Variants in GPR39 observed in about 807,000 individuals in gnomAD.
GPR39 encodes the protein G protein-coupled receptor 39.
Under a neutral mutation model 18.4 loss-of-function variants are expected in GPR39, and 23 were observed. The ratio of observed to expected loss-of-function variants is 1.25; its 90% CI spans 0.90 to 1.77. The LOEUF (loss-of-function observed/expected upper bound fraction) is 1.77, where lower values mean the gene tolerates loss of function less well. Among genes scored for constraint, GPR39 ranks in the 40% most tolerant of loss-of-function variants. The pLI is 0.00. For missense variants in GPR39, 647 were observed against 602.4 expected (o/e 1.07, Z -0.78); for synonymous variants, 280 against 257.9 (o/e 1.09, Z -0.82).
At chr2:132,612,307 C>G (rs1168635634) in intron 1 of GPR39, among the ~76,000 whole-genome samples, 2 of 152,004 alleles carry the variant, frequency 1.3e-5, no homozygotes, top group Non-Finnish European at 2.9e-5. Flanking sequence ...CAACAGCCTC[C>G]CCCTCCCCTC....
At chr2:132,522,735 T>C (rs1366756465) in intron 1 of GPR39, among the ~76,000 whole-genome samples, 2 of 152,220 alleles carry the variant, frequency 1.3e-5, no homozygotes, top group Non-Finnish European at 2.9e-5. Flanking sequence ...GAAGCTGCCA[T>C]GTATTTATAT....
chr2:132,645,361 C>T lies in GPR39; in HGVS notation c.1117C>T (p.Arg373Cys), dbSNP rs749553280. 18 of 1,613,904 alleles carry T rather than the reference C, an allele frequency of 1.1e-5. No homozygotes were observed. In the Middle Eastern group the frequency reaches 4.9e-4, roughly 44 times the overall value. Reference sequence around the variant, plus strand: ...GCTGCAGCACGCCAACCACGAGAAGCGCCTGCGCGTACATGCGCACTCCAC... The same window carrying T: ...GCTGCAGCACGCCAACCACGAGAAGTGCCTGCGCGTACATGCGCACTCCAC... The part of the protein sequence containing the change: ...LSLQHANHEK[R>C]LRVHAHSTTD... Residue 373 changes from arginine to cysteine, a missense_variant, in exon 2 of 2, where the codon CGC (arginine) becomes TGC (cysteine). Arg to Cys is a radical substitution (Grantham distance 180). Transcript: ENST00000329321.
At chr2:132,445,117 T>C (rs188536289) in intron 1 of GPR39, among the ~76,000 whole-genome samples, 3 of 152,188 alleles carry the variant, frequency 2.0e-5, no homozygotes, top group African/African-American at 7.2e-5. Flanking sequence ...TCATGACTCA[T>C]CATCCTAACA....
chr2:132,417,156 G>A lies in GPR39; in HGVS notation c.114G>A (p.Leu38=), dbSNP rs754043728. 1 of 1,614,166 alleles carries A rather than the reference G, an allele frequency of 6.2e-7. No homozygotes were observed. Among genetic ancestry groups the A allele is most frequent in the Admixed American group, 1.7e-5 (1 of 60,032 alleles). Residue 38 remains leucine, a synonymous_variant, in exon 1 of 2, where the codon CTG becomes CTA. Coordinates refer to ENST00000329321, the MANE Select transcript of GPR39 (RefSeq NM_001508.3). The stretch of plus-strand genomic sequence containing the variant: ...AAATCACCCTTATTCTGGTGTACCT[G>A]ATCATCTTCGTGATGGGCCTTCTGG... ...WIKITLILVY[L]IIFVMGLLGN... is the part of the protein sequence containing the mutation.
At chr2:132,599,196 A>T (rs1680999219) in intron 1 of GPR39, among the ~76,000 whole-genome samples, 1 of 152,108 alleles carries the variant, frequency 6.6e-6, no homozygotes, top group Non-Finnish European at 1.5e-5. Flanking sequence ...ATTTTTAACA[A>T]CTTTCCAGCG....
At chr2:132,573,339 T>C (rs1326117062) in intron 1 of GPR39, among the ~76,000 whole-genome samples, 2 of 152,176 alleles carry the variant, frequency 1.3e-5, no homozygotes, top group Non-Finnish European at 2.9e-5. Context: ...TCACTGCTTG[T>C]TTCTCATTTT....
intron 1 of GPR39, among the ~76,000 whole-genome samples, chr2:132,538,901 C>T (rs1415547507): frequency 1.3e-5 from 2 of 152,164 alleles, no homozygotes; most frequent in Non-Finnish European, 2.9e-5. Flanking sequence ...TAATGGAGGT[C>T]GCCTCTCCCC....
chr2:132,468,959 A>G (rs984037552), intron 1 of GPR39, among the ~76,000 whole-genome samples: 1 of 152,228 alleles, frequency 6.6e-6, no homozygotes, highest in Non-Finnish European at 1.5e-5. Context: ...GCTGGCTTCC[A>G]ACCAGAGAAT....
intron 1 of GPR39, among the ~76,000 whole-genome samples, chr2:132,545,165 A>G (rs1437668380): frequency 6.6e-6 from 1 of 152,108 alleles, no homozygotes; most frequent in African/African-American, 2.4e-5. Flanking sequence ...TCCTGCCACT[A>G]TCACCCTCCT....
At chr2:132,599,066 C>A (rs1281375593) in intron 1 of GPR39, among the ~76,000 whole-genome samples, 1 of 151,986 alleles carries the variant, frequency 6.6e-6, no homozygotes, top group Non-Finnish European at 1.5e-5. Flanking sequence ...TGTTTTCATG[C>A]CTGTGTGAAA....
intron 1 of GPR39, among the ~76,000 whole-genome samples, chr2:132,481,240 G>A (rs552439493): frequency 3.3e-5 from 5 of 152,184 alleles, no homozygotes; most frequent in East Asian, 3.9e-4. Flanking sequence ...TATTCGTGTC[G>A]GTGCTCTATA....
intron 1 of GPR39, among the ~76,000 whole-genome samples, chr2:132,547,956 A>T (rs1478505135): frequency 1.3e-5 from 2 of 152,254 alleles, no homozygotes; most frequent in East Asian, 3.9e-4. Flanking sequence ...TGCCTGCTTT[A>T]CTGGGCTGGA....
intron 1 of GPR39, among the ~76,000 whole-genome samples, chr2:132,564,956 A>G (rs1680322399): frequency 6.6e-6 from 1 of 151,458 alleles, no homozygotes; most frequent in African/African-American, 2.4e-5. Flanking sequence ...AGCTGGGATT[A>G]CAGGCACCTG....
At chr2:132,567,887 C>T (rs938144427) in intron 1 of GPR39, among the ~76,000 whole-genome samples, 2 of 151,878 alleles carry the variant, frequency 1.3e-5, no homozygotes, top group Admixed American at 6.5e-5. Context: ...AGTTTCCCTA[C>T]ACAAGCGCTC....
chr2:132,420,941 A>G (rs1276163913), intron 1 of GPR39, among the ~76,000 whole-genome samples: 2 of 152,200 alleles, frequency 1.3e-5, no homozygotes, highest in African/African-American at 4.8e-5. Flanking sequence ...ATTCCTGGAA[A>G]TAGGAGTGTC....
chr2:132,498,094 TTTA>T lies in GPR39; in HGVS notation c.856+80202_856+80204del, dbSNP rs1365811402. On this transcript the variant is annotated intron_variant, in intron 1 of 1. Transcript: ENST00000329321. ...ATGTATATTTTTTTAATTTTTAAAT[TTTA>T]TTATTTCAGTAGGTTTTTGGGGAAC... is the stretch of plus-strand genomic sequence containing the variant. Among the ~76,000 whole-genome samples, 5 of 152,324 alleles carry T rather than the reference TTTA, an allele frequency of 3.3e-5. No homozygotes were observed. In the South Asian group the frequency reaches 6.2e-4, roughly 19 times the overall value.
chr2:132,465,237 G>A lies in GPR39; in HGVS notation c.856+47339G>A, dbSNP rs111980507. 6.6e-4 allele frequency among the ~76,000 whole-genome samples: 101 copies of A among 152,124 alleles called. 1 individual carries two copies. Among genetic ancestry groups the A allele is most frequent in the African/African-American group, 2.4e-3 (98 of 41,524 alleles). ...TTGTCCTGATCAGATCTGGGCAGTCGCCTGGACAAATCTGTAAGGATAGAT... is the reference window on the plus strand; with the variant it reads ...TTGTCCTGATCAGATCTGGGCAGTCACCTGGACAAATCTGTAAGGATAGAT... On this transcript the variant is annotated intron_variant, in intron 1 of 1. Coordinates refer to ENST00000329321, the MANE Select transcript of GPR39 (RefSeq NM_001508.3).
At chr2:132,501,662 G>T (rs1359308287) in intron 1 of GPR39, among the ~76,000 whole-genome samples, 2 of 152,040 alleles carry the variant, frequency 1.3e-5, no homozygotes, top group Non-Finnish European at 2.9e-5. Flanking sequence ...TTTCTGTCTT[G>T]ATGACCTGTC....
intron 1 of GPR39, among the ~76,000 whole-genome samples, chr2:132,449,618 A>T (rs1386201697): frequency 6.6e-6 from 1 of 152,138 alleles, no homozygotes; most frequent in Non-Finnish European, 1.5e-5. Flanking sequence ...GCTTCTCATC[A>T]GCCCTTTTTT....
Sources: allele counts gnomAD v4.1 joint callset (sites outside exome capture counted in the v4.1 genomes callset), GRCh38; gene constraint gnomAD v4.1.1; transcripts MANE v1.5; gene names NCBI Gene and HGNC (gene_info 2026-07-23, HGNC 2026-07-21).